ATP2B2: variants seen among roughly 807,000 people sequenced by gnomAD.
ATP2B2 encodes the protein ATPase plasma membrane Ca2+ transporting 2.
Under a neutral mutation model 120.0 loss-of-function variants are expected in ATP2B2, and 15 were observed. The observed-to-expected ratio is 0.12, with a 90% CI of 0.08 to 0.19. The LOEUF is 0.19. ATP2B2 is among the 10% of genes least tolerant of loss of function. The probability of loss-of-function intolerance (pLI) is 1.00; values close to 1 mark genes in which losing one functional copy is unlikely to be tolerated. For missense variants in ATP2B2, 1,045 were observed against 1,719.8 expected (o/e 0.61, Z 6.94); for synonymous variants, 694 against 700.3 (o/e 0.99, Z 0.14).
chr3:10,438,812 G>A lies in ATP2B2; in HGVS notation c.199+10533C>T, dbSNP rs17032889. On this transcript the variant is annotated intron_variant, in intron 2 of 22. Transcript: ENST00000360273. Reference sequence around the variant, plus strand: ...GATGACTCAGGTCCTACTAGCATTCGAGACGGCCCGCCTGCAGTTATACAG... The same window carrying A: ...GATGACTCAGGTCCTACTAGCATTCAAGACGGCCCGCCTGCAGTTATACAG... 6.7e-3 allele frequency among the ~76,000 whole-genome samples: 1,015 copies of A among 152,312 alleles called. 12 individuals carry two copies. The highest frequency in any genetic ancestry group is 0.023 in the African/African-American group (974 of 41,570).
intron 1 of ATP2B2, among the ~76,000 whole-genome samples, chr3:10,450,655 T>C (rs2125187174): frequency 6.6e-6 from 1 of 151,394 alleles, no homozygotes; most frequent in East Asian, 1.9e-4. Flanking sequence ...TTCAGGTCCA[T>C]GGAGCCCTCA....
chr3:10,482,375 C>T (rs1482848975), intron 1 of ATP2B2, among the ~76,000 whole-genome samples: 2 of 152,214 alleles, frequency 1.3e-5, no homozygotes, highest in Non-Finnish European at 2.9e-5. Context: ...CTCCACAGCA[C>T]ACCTCTGTCA....
At chr3:10,491,353 G>A (rs2065928481) in intron 1 of ATP2B2, among the ~76,000 whole-genome samples, 1 of 151,802 alleles carries the variant, frequency 6.6e-6, no homozygotes, top group Non-Finnish European at 1.5e-5. Context: ...AGCCTCCCGA[G>A]TAGCTTGGAT....
rs1210374053 is a variant in ATP2B2 at position 10,449,451 on chromosome 3, G to C, written c.93C>G (p.Leu31=). ...GGEFGCTMEE[L]RSLMELRGTE... ...TGCCCCGCAGCTCCATGAGGGAGCG[G>C]AGCTCCTCCATTGTGCACCCGAACT... Residue 31 remains leucine (L), a synonymous_variant, in exon 2 of 23, where the codon CTC becomes CTG. Transcript: ENST00000360273. 1 of 1,614,254 alleles carries C rather than the reference G, an allele frequency of 6.2e-7. No homozygotes were observed. Among genetic ancestry groups the C allele is most frequent in the Admixed American group, 1.7e-5 (1 of 60,030 alleles).
At chr3:10,483,408 T>C (rs1356724875) in intron 1 of ATP2B2, among the ~76,000 whole-genome samples, 3 of 152,198 alleles carry the variant, frequency 2.0e-5, no homozygotes, top group African/African-American at 7.2e-5. Context: ...TCCACATTTT[T>C]TGAATGGCAA....
chr3:10,669,658 C>G (rs1297052412), intron 1 of ATP2B2, among the ~76,000 whole-genome samples: 3 of 152,210 alleles, frequency 2.0e-5, no homozygotes, highest in Non-Finnish European at 4.4e-5. Flanking sequence ...TATCCACAGC[C>G]TCCCTAGACG....
chr3:10,505,623 A>AGGCGCC (rs983621815), upstream of ATP2B2: 2 of 107,106 alleles, frequency 1.9e-5, no homozygotes, highest in African/African-American at 7.1e-5. Flanking sequence ...CGGGGGGCGG[A>AGGCGCC]GGCGCCGGCG....
intron 1 of ATP2B2, among the ~76,000 whole-genome samples, chr3:10,485,955 T>A (rs537370624): frequency 6.6e-6 from 1 of 152,094 alleles, no homozygotes; most frequent in Admixed American, 6.5e-5. Context: ...CAGGGCATCA[T>A]GAAACTCAGC....
chr3:10,482,929 T>C (rs2065472226), intron 1 of ATP2B2, among the ~76,000 whole-genome samples: 1 of 152,188 alleles, frequency 6.6e-6, no homozygotes, highest in Non-Finnish European at 1.5e-5. Context: ...AAGCAATGCT[T>C]CCTCCCACTG....
chr3:10,388,464 T>G, intron 5 of ATP2B2, 62 bp from the exon 6 acceptor site: 1 of 1,611,842 alleles, frequency 6.2e-7, no homozygotes, highest in Non-Finnish European at 8.5e-7. Flanking sequence ...CCCAAAGGAG[T>G]GAAAAAATGT....
chr3:10,673,770 G>A (rs1029290046), intron 1 of ATP2B2, among the ~76,000 whole-genome samples: 13 of 123,974 alleles, frequency 1.0e-4, no homozygotes, highest in Non-Finnish European at 1.4e-4. Flanking sequence ...TGGCACCACC[G>A]CACTCTAGCG....
intron 2 of ATP2B2, among the ~76,000 whole-genome samples, chr3:10,572,527 C>T (rs2068150742): frequency 6.6e-6 from 1 of 152,062 alleles, no homozygotes; most frequent in South Asian, 2.1e-4. Flanking sequence ...TGTATTTTAG[C>T]ACAATTAAAA....
intron 1 of ATP2B2, among the ~76,000 whole-genome samples, chr3:10,467,345 G>A (rs1019019413): frequency 2.0e-5 from 3 of 152,190 alleles, no homozygotes; most frequent in African/African-American, 7.2e-5. Context: ...TCTGCTTGGT[G>A]GACTCCTATT....
At chr3:10,474,026 G>C (rs1349545051) in intron 1 of ATP2B2, among the ~76,000 whole-genome samples, 1 of 152,192 alleles carries the variant, frequency 6.6e-6, no homozygotes, top group Non-Finnish European at 1.5e-5. Flanking sequence ...GTGAGATTGA[G>C]AGCAGGGAGG....
intron 2 of ATP2B2, among the ~76,000 whole-genome samples, chr3:10,613,882 T>A (rs2069309146): frequency 6.6e-6 from 1 of 151,748 alleles, no homozygotes; most frequent in African/African-American, 2.4e-5. Context: ...ACCTCTCACT[T>A]CTCCCTCCCC....
At chr3:10,578,062 G>C (rs911734752) in intron 2 of ATP2B2, among the ~76,000 whole-genome samples, 1 of 152,156 alleles carries the variant, frequency 6.6e-6, no homozygotes, top group Non-Finnish European at 1.5e-5. Context: ...CTAGATTCCA[G>C]GGCAAGGGGC....
chr3:10,408,494 C>T (rs112044352), intron 3 of ATP2B2, among the ~76,000 whole-genome samples: 231 of 152,216 alleles, frequency 1.5e-3, no homozygotes, highest in African/African-American at 3.6e-3. Context: ...GTCACAAAGC[C>T]CAAGAACTTT....
Position 10,432,556 on chromosome 3 carries a change from C to T in ATP2B2, c.199+16789G>A, listed in dbSNP as rs1381607860. 2.0e-5 allele frequency among the ~76,000 whole-genome samples: 3 copies of T among 152,254 alleles called. 1 individual carries two copies. Among genetic ancestry groups the T allele is most frequent in the South Asian group, 4.1e-4 (2 of 4,832 alleles). ...CGGTTGAAAAACTGATTATTCTAAACCCCAGCGCTCACTTGCTCAACACTT... is the reference window on the plus strand; with the variant it reads ...CGGTTGAAAAACTGATTATTCTAAATCCCAGCGCTCACTTGCTCAACACTT... On this transcript the variant is annotated intron_variant, in intron 2 of 22. Coordinates refer to ENST00000360273, the MANE Select transcript of ATP2B2 (RefSeq NM_001001331.4).
chr3:10,364,690 G>T (rs1431191537), intron 12 of ATP2B2, among the ~76,000 whole-genome samples: 1 of 151,942 alleles, frequency 6.6e-6, no homozygotes, highest in Non-Finnish European at 1.5e-5. Flanking sequence ...CAGCCTGGGC[G>T]TCAGAGCAAG....
Sources: allele counts gnomAD v4.1 joint callset (sites outside exome capture counted in the v4.1 genomes callset), GRCh38; gene constraint gnomAD v4.1.1; transcripts MANE v1.5; gene names NCBI Gene and HGNC (gene_info 2026-07-23, HGNC 2026-07-21).